The following DNAH12 variants were observed in gnomAD, a reference collection of about 807,000 sequenced individuals.
The protein encoded by DNAH12 is axonemal beta dynein heavy chain 12.
DNAH12 carries 285 observed loss-of-function variants against 371.5 expected under a neutral mutation model. That is an observed-to-expected ratio of 0.77 (90% CI 0.70 to 0.85). The LOEUF (loss-of-function observed/expected upper bound fraction) is 0.85. Among genes scored for constraint, DNAH12 ranks in the 40% least tolerant of loss-of-function variants. DNAH12 has a pLI of 0.00. For synonymous variants in DNAH12, 1,200 were observed against 1,213.0 expected (o/e 0.99, Z 0.22); for missense variants, 3,611 against 3,689.4 (o/e 0.98, Z 0.55).
chr3:57,416,001 T>A (rs912621711), intron 37 of DNAH12, among the ~76,000 whole-genome samples: 1 of 152,112 alleles, frequency 6.6e-6, no homozygotes, highest in Admixed American at 6.5e-5. Flanking sequence ...TTGGCCAGGC[T>A]GGTCTTGAAC....
chr3:57,475,770 T>G (rs1180598041), intron 13 of DNAH12, among the ~76,000 whole-genome samples: 2 of 152,226 alleles, frequency 1.3e-5, no homozygotes, highest in African/African-American at 4.8e-5. Context: ...TGGCAAAATT[T>G]AATCCATCTC....
chr3:57,554,152 CA>C, the DNAH12 span, among the ~76,000 whole-genome samples: 5,939 of 105,790 alleles, frequency 0.056, 466 homozygotes, highest in African/African-American at 0.15. Flanking sequence ...CCAGACATGG[CA>C]GTGCACACCT....
chr3:57,466,576 T>C (rs1355063521), intron 17 of DNAH12, among the ~76,000 whole-genome samples: 2 of 152,182 alleles, frequency 1.3e-5, no homozygotes, highest in East Asian at 3.9e-4. Context: ...ATTCTCTCTT[T>C]ATAAATGAGA....
rs1227022717 is a variant in DNAH12, at chr3:57,462,599, A to G, written c.2535+91T>C. The G allele has an allele frequency of 1.1e-5, 15 of 1,426,620 alleles. No homozygotes were observed. In the Admixed American group the frequency reaches 3.4e-4, roughly 32 times the overall value. The allele number at this position is 1,426,620 out of a possible 1,614,324, so 88.4% of individuals were successfully genotyped here. On this transcript the variant is annotated intron_variant, in intron 18 of 73. Coordinates refer to ENST00000495027, the MANE Select transcript of DNAH12 (RefSeq NM_001366028.2). ...TCCCCCATCACCTCCCGCGCTATCCAGTACTATACACATTCAACCCCAACA... is the reference window on the plus strand; with the variant it reads ...TCCCCCATCACCTCCCGCGCTATCCGGTACTATACACATTCAACCCCAACA...
chr3:57,479,175 C>T (rs1326325788), intron 13 of DNAH12, among the ~76,000 whole-genome samples: 16 of 152,016 alleles, frequency 1.1e-4, no homozygotes, highest in African/African-American at 3.9e-4. Flanking sequence ...TTCAGGAAAC[C>T]CATCTCACGT....
In DNAH12 at chr3:57,542,908, G is replaced by A; in HGVS notation, c.-33-5C>T. ...AAGATTAAAATACTCTGTACTCTGAGGAGAAAAAGTCCATAAAGCCATTAT... is the reference window on the plus strand; with the variant it reads ...AAGATTAAAATACTCTGTACTCTGAAGAGAAAAAGTCCATAAAGCCATTAT... On this transcript the variant is annotated splice_region_variant and splice_polypyrimidine_tract_variant and intron_variant, in intron 1 of 73. Transcript: ENST00000495027. 2.0e-6 allele frequency: 3 copies of A among 1,497,652 alleles called. No homozygotes were observed. Among genetic ancestry groups the A allele is most frequent in the South Asian group, 1.5e-5 (1 of 68,844 alleles). 92.8% of individuals were successfully genotyped at this position (1,497,652 alleles called of 1,614,324 possible).
rs560688152 is a variant in DNAH12 at position 57,310,787 on chromosome 3, T to C, written c.10826A>G (p.Lys3609Arg). ...NLYIVENPHY[K>R]FSPSGNYFAP... Reference sequence around the variant, plus strand: ...AAAATAGTTTCCACTGGGAGAAAACTTATAATGAGGGTTTTCAACTATGTA... The same window carrying C: ...AAAATAGTTTCCACTGGGAGAAAACCTATAATGAGGGTTTTCAACTATGTA... The change falls in exon 67 of 74, where the codon AAG becomes AGG. Residue 3609 changes from lysine (K) to arginine (R), a missense_variant. Transcript: ENST00000495027. 3 of 1,551,670 alleles carry C rather than the reference T, an allele frequency of 1.9e-6. No individual in the cohort carries two copies. The highest frequency in any genetic ancestry group is 1.7e-4 in the Middle Eastern group (1 of 5,990).
At chr3:57,338,918 C>A (rs143738789) in intron 60 of DNAH12, among the ~76,000 whole-genome samples, 5 of 152,024 alleles carry the variant, frequency 3.3e-5, no homozygotes, top group African/African-American at 1.2e-4. Context: ...GTGACGATGG[C>A]GGTTTTGTCG....
At chr3:57,539,111 T>C (rs952758513) in intron 2 of DNAH12, among the ~76,000 whole-genome samples, 1 of 152,230 alleles carries the variant, frequency 6.6e-6, no homozygotes. Context: ...TTCTCATCTA[T>C]GCTACTGTAG....
At chr3:57,313,632 GAC>G (rs1273240762) in intron 66 of DNAH12, among the ~76,000 whole-genome samples, 1 of 152,122 alleles carries the variant, frequency 6.6e-6, no homozygotes, top group Non-Finnish European at 1.5e-5. Context: ...CAGCCTGGGT[GAC>G]AGAGTGAAAC....
chr3:57,423,130 C>T (rs561344847), intron 35 of DNAH12, among the ~76,000 whole-genome samples: 28 of 152,188 alleles, frequency 1.8e-4, no homozygotes, highest in Middle Eastern at 3.4e-3. Context: ...AGGTACATGC[C>T]TTATCAAGTC....
At chr3:57,468,219 C>T (rs1575643143) in intron 17 of DNAH12, among the ~76,000 whole-genome samples, 1 of 152,108 alleles carries the variant, frequency 6.6e-6, no homozygotes, top group East Asian at 1.9e-4. Flanking sequence ...AGACCCAATT[C>T]ATTAGCCAAA....
intron 2 of DNAH12, among the ~76,000 whole-genome samples, chr3:57,538,321 A>AACAGGCCGGG (rs1407133604): frequency 0.36 from 54,154 of 151,000 alleles, 10,943 homozygotes; most frequent in South Asian, 0.55. Flanking sequence ...CTCAGTATTA[A>AACAGGCCGGG]TACAGCACTA....
chr3:57,425,951 G>A (rs2064754404), intron 34 of DNAH12, among the ~76,000 whole-genome samples: 1 of 152,150 alleles, frequency 6.6e-6, no homozygotes, highest in African/African-American at 2.4e-5. Flanking sequence ...CTCAGGGTAG[G>A]AGGCGGCTGC....
At chr3:57,416,593 G>A (rs1202701625) in intron 37 of DNAH12, among the ~76,000 whole-genome samples, 3 of 152,158 alleles carry the variant, frequency 2.0e-5, no homozygotes, top group African/African-American at 7.2e-5. Flanking sequence ...ATGACAATAA[G>A]ACAGCTAGCT....
At chr3:57,312,771 T>C (rs2061607139) in intron 66 of DNAH12, among the ~76,000 whole-genome samples, 1 of 152,224 alleles carries the variant, frequency 6.6e-6, no homozygotes, top group Non-Finnish European at 1.5e-5. Context: ...CGTCATTTCA[T>C]CATGCAGTTA....
chr3:57,408,137 T>A (rs1465698463), intron 40 of DNAH12, 143 bp downstream of exon 40: 1 of 917,236 alleles, frequency 1.1e-6, no homozygotes, highest in Non-Finnish European at 1.5e-6. Context: ...TCATTTCAAA[T>A]CCTGTGATCT....
chr3:57,297,670 C>T (rs1047870058), intron 70 of DNAH12, among the ~76,000 whole-genome samples: 10 of 152,026 alleles, frequency 6.6e-5, no homozygotes, highest in African/African-American at 2.2e-4. Flanking sequence ...GTTCCTTAAC[C>T]CTCTTAAACC....
chr3:57,443,258 C>T (rs13092664), intron 29 of DNAH12, among the ~76,000 whole-genome samples: 63,716 of 151,850 alleles, frequency 0.42, 15,023 homozygotes, highest in South Asian at 0.57. Flanking sequence ...TACAGGCGTG[C>T]ACCACCATGC....
Sources: gnomAD v4.1 joint callset for allele counts (sites outside exome capture counted in the v4.1 genomes callset) on GRCh38, gnomAD v4.1.1 for gene constraint, MANE v1.5 for transcripts, NCBI Gene and HGNC (gene_info 2026-07-23, HGNC 2026-07-21) for gene names.